The following TTC23L variants were observed in gnomAD, a reference collection of about 807,000 sequenced individuals.
TTC23L encodes the protein tetratricopeptide repeat domain 23 like, also known as tetratricopeptide repeat protein 23-like.
Under a neutral mutation model 48.1 loss-of-function variants are expected in TTC23L, and 42 were observed. That is an observed-to-expected ratio of 0.87 (90% confidence interval 0.68 to 1.13). The LOEUF is 1.13. TTC23L is among the 50% of genes most tolerant of loss of function. TTC23L has a pLI of 0.00. For synonymous variants in TTC23L, 159 were observed against 157.2 expected, an observed-to-expected ratio of 1.01 and a Z score of -0.09; for missense variants, 391 against 421.0, an observed-to-expected ratio of 0.93 and a Z score of 0.62.
chr5:34,893,364 T>A (rs1203909521), intron 9 of TTC23L, among the ~76,000 whole-genome samples: 1 of 152,220 alleles, frequency 6.6e-6, no homozygotes, highest in East Asian at 1.9e-4. Context: ...TACATTCACC[T>A]GGCAATGGCT....
At chr5:34,877,242 A>T (rs1761913289) in intron 8 of TTC23L, among the ~76,000 whole-genome samples, 1 of 152,186 alleles carries the variant, frequency 6.6e-6, no homozygotes, top group Non-Finnish European at 1.5e-5. Context: ...CAGAAAGAGC[A>T]TTTGGGAGAA....
downstream of TTC23L, among the ~76,000 whole-genome samples, chr5:34,899,757 T>G (rs988527749): frequency 6.6e-6 from 1 of 152,136 alleles, no homozygotes; most frequent in African/African-American, 2.4e-5. Context: ...CTGGGCGTGG[T>G]GACACATGCC....
chr5:34,922,598 C>T, the TTC23L span: 1 of 1,600,752 alleles, frequency 6.2e-7, no homozygotes, highest in Non-Finnish European at 8.6e-7. Flanking sequence ...AGTAAGTTGA[C>T]TCAATAAATT....
the TTC23L span, chr5:34,911,931 T>C: frequency 9.5e-5 from 112 of 1,177,322 alleles, no homozygotes; most frequent in Non-Finnish European, 8.1e-5. Context: ...CTCACATATA[T>C]GTATCTCCTC....
chr5:34,925,038 G>A, the TTC23L span: 2 of 1,554,950 alleles, frequency 1.3e-6, no homozygotes, highest in South Asian at 2.4e-5. Flanking sequence ...AAATGATTCT[G>A]TGAAGTAATT....
chr5:34,888,528 T>C (rs1762670723), intron 9 of TTC23L: 1 of 985,304 alleles, frequency 1.0e-6, no homozygotes, highest in Non-Finnish European at 1.2e-6. Context: ...CTCCTTACCC[T>C]GTGGCAGAGG....
rs141066443 is a variant in TTC23L, at chr5:34,867,613, T to G, written c.840+544T>G. The G allele has an allele frequency of 1.6e-3, 252 of 157,486 alleles. 2 individuals are homozygous for G. In the East Asian group the frequency reaches 0.027, roughly 17 times the overall value. The allele number at this position is 157,486 out of a possible 1,614,324, so 9.8% of individuals were successfully genotyped here. ...GGAAGGAATGGTGAGTCTATTATAT[T>G]AGGGTACTTTTATGTATCATGTACT... On this transcript the variant is annotated intron_variant, in intron 7 of 10. Coordinates refer to ENST00000505624, the Ensembl canonical transcript of TTC23L.
the TTC23L span, chr5:34,914,562 ATTAAG>A: frequency 1.8e-5 from 14 of 795,808 alleles, no homozygotes; most frequent in African/African-American, 8.7e-5. Flanking sequence ...TTATTTATTT[ATTAAG>A]TTATTTATTA....
intron 9 of TTC23L, chr5:34,888,392 G>T: frequency 2.9e-6 from 2 of 699,250 alleles, no homozygotes; most frequent in Non-Finnish European, 3.5e-6. Flanking sequence ...TCCTGAGTTT[G>T]GTTTGCAGTT....
At chr5:34,879,888 C>T (rs573525337) in intron 8 of TTC23L, among the ~76,000 whole-genome samples, 2 of 152,046 alleles carry the variant, frequency 1.3e-5, no homozygotes, top group Admixed American at 6.5e-5. Context: ...TCCAGCTACT[C>T]GGGTGGCTGA....
intron 2 of TTC23L, among the ~76,000 whole-genome samples, chr5:34,843,548 C>T (rs536382368): frequency 1.1e-3 from 161 of 152,314 alleles, no homozygotes; most frequent in South Asian, 1.7e-3. Flanking sequence ...TAAAATATTT[C>T]GGGCTTATAA....
chr5:34,868,329 G>A (rs1561139897), intron 7 of TTC23L: 1 of 152,906 alleles, frequency 6.5e-6, no homozygotes, highest in Non-Finnish European at 1.5e-5. Flanking sequence ...TTAAGCACAG[G>A]TGGTTCTTTT....
At chr5:34,925,620 T>A in the TTC23L span, 2 of 748,974 alleles carry the variant, frequency 2.7e-6, no homozygotes, top group Non-Finnish European at 4.0e-6. Flanking sequence ...AAAGAAAAAT[T>A]AAGATCTTAA....
chr5:34,897,399 AAAAATTAAACATT>A (rs1235090948), intron 10 of TTC23L, among the ~76,000 whole-genome samples: 2 of 151,406 alleles, frequency 1.3e-5, no homozygotes, highest in Non-Finnish European at 3.0e-5. Context: ...AAAATAAAAA[AAAAATTAAACATT>A]AAAAAAAATA....
At chr5:34,895,453 G>C (rs1450777805) in intron 9 of TTC23L, among the ~76,000 whole-genome samples, 1 of 152,206 alleles carries the variant, frequency 6.6e-6, no homozygotes, top group Non-Finnish European at 1.5e-5. Flanking sequence ...ATGTATGAAA[G>C]CATGAAGTTA....
chr5:34,913,700 T>C, the TTC23L span: 1 of 631,952 alleles, frequency 1.6e-6, no homozygotes, highest in Non-Finnish European at 2.8e-6. Flanking sequence ...TGAGAATAAT[T>C]TCTGATTAGC....
chr5:34,850,259 A>G (rs1759561680), exon 4 of TTC23L: 4 of 1,613,914 alleles, frequency 2.5e-6, no homozygotes, highest in Admixed American at 1.7e-5. Context: ...ATCACTGGAA[A>G]TGTGCACGAG....
At chr5:34,920,851 TA>T in the TTC23L span, 1 of 151,934 alleles carries the variant, frequency 6.6e-6, no homozygotes, top group African/African-American at 2.4e-5. Flanking sequence ...TTTAAGTTGT[TA>T]GGGTTTGTTT....
intron 8 of TTC23L, among the ~76,000 whole-genome samples, chr5:34,878,946 G>A (rs1762039029): frequency 1.3e-5 from 2 of 152,202 alleles, no homozygotes; most frequent in South Asian, 2.1e-4. Flanking sequence ...ATCAGTCTAA[G>A]TATTCAGCAG....
Sources: gnomAD v4.1 joint callset for allele counts (sites outside exome capture counted in the v4.1 genomes callset) on GRCh38, gnomAD v4.1.1 for gene constraint, MANE v1.5 for transcripts, NCBI Gene and HGNC (gene_info 2026-07-23, HGNC 2026-07-21) for gene names.